Variants in ACOXL observed in about 807,000 individuals in gnomAD.
ACOXL encodes the protein acyl-CoA oxidase like, also known as acyl-coenzyme A oxidase-like protein.
ACOXL carries 70 observed loss-of-function variants against 71.9 expected under a neutral mutation model. The ratio of observed to expected loss-of-function variants is 0.97; its 90% confidence interval spans 0.80 to 1.19. ACOXL has a LOEUF of 1.19. ACOXL is among the 50% of genes most tolerant of loss of function. The pLI, the probability that ACOXL is intolerant of heterozygous loss-of-function variation, is 0.00. For synonymous variants in ACOXL, 253 were observed against 281.6 expected (o/e 0.90, Z 1.02); for missense variants, 703 against 736.3 (o/e 0.95, Z 0.52).
chr2:111,026,851 A>C (rs1477385821), intron 14 of ACOXL, among the ~76,000 whole-genome samples: 1 of 152,136 alleles, frequency 6.6e-6, no homozygotes, highest in Non-Finnish European at 1.5e-5. Flanking sequence ...CTCAGAAAGC[A>C]AGAGGAGGAA....
At chr2:111,074,477 A>G (rs1412833390) in intron 16 of ACOXL, among the ~76,000 whole-genome samples, 1 of 152,124 alleles carries the variant, frequency 6.6e-6, no homozygotes, top group Non-Finnish European at 1.5e-5. Context: ...TAGCTTCCTA[A>G]GAGATTTTTT....
intron 12 of ACOXL, among the ~76,000 whole-genome samples, chr2:110,972,776 A>G (rs1026863197): frequency 6.6e-6 from 1 of 152,208 alleles, no homozygotes; most frequent in African/African-American, 2.4e-5. Context: ...GTCATGCAGG[A>G]CATGCTTAAT....
intron 16 of ACOXL, among the ~76,000 whole-genome samples, chr2:111,067,404 GA>G (rs35949334): frequency 6.6e-6 from 1 of 152,116 alleles, no homozygotes; most frequent in Non-Finnish European, 1.5e-5. Context: ...TAAGTGCTAT[GA>G]AAAAAATAAA....
intron 14 of ACOXL, among the ~76,000 whole-genome samples, chr2:111,010,939 A>C (rs541605464): frequency 6.6e-6 from 1 of 152,352 alleles, no homozygotes; most frequent in South Asian, 2.1e-4. Context: ...ATGCTAAGGA[A>C]GGTACTTTAA....
intron 12 of ACOXL, among the ~76,000 whole-genome samples, chr2:110,934,073 C>T (rs561308721): frequency 2.6e-5 from 4 of 152,288 alleles, no homozygotes; most frequent in African/African-American, 9.6e-5. Context: ...TGTCTCCAGC[C>T]CCAGTCTCAG....
chr2:110,746,813 TCTC>T (rs1678282669), intron 1 of ACOXL, among the ~76,000 whole-genome samples: 1 of 146,124 alleles, frequency 6.8e-6, no homozygotes, highest in African/African-American at 2.5e-5. Flanking sequence ...TTCCCCCTCT[TCTC>T]CCCCCGCCCT....
chr2:110,967,872 T>G, intron 12 of ACOXL: 2 of 1,267,278 alleles, frequency 1.6e-6, no homozygotes, highest in Admixed American at 1.7e-5. Flanking sequence ...AGGCCTACTT[T>G]AAGAGATACC....
chr2:110,836,205 T>C (rs1328887848), intron 9 of ACOXL, among the ~76,000 whole-genome samples: 2 of 152,190 alleles, frequency 1.3e-5, no homozygotes, highest in East Asian at 3.9e-4. Context: ...TGGAGGGGGC[T>C]GTTGGGGGTA....
At chr2:110,793,294 T>G (rs957804273) in intron 3 of ACOXL, among the ~76,000 whole-genome samples, 2 of 152,104 alleles carry the variant, frequency 1.3e-5, no homozygotes, top group Non-Finnish European at 2.9e-5. Flanking sequence ...GCATCGAGGG[T>G]CATTGCACAC....
chr2:111,106,204 TCA>T (rs2069531189), intron 17 of ACOXL, among the ~76,000 whole-genome samples: 1 of 152,232 alleles, frequency 6.6e-6, no homozygotes, highest in African/African-American at 2.4e-5. Flanking sequence ...CATTATATAT[TCA>T]GTCCATTTTC....
intron 11 of ACOXL, among the ~76,000 whole-genome samples, chr2:110,916,239 C>T (rs1439960128): frequency 2.0e-5 from 3 of 148,184 alleles, no homozygotes; most frequent in African/African-American, 7.4e-5. Flanking sequence ...TTGTGGCTTC[C>T]TTTTTTTTTT....
At chr2:110,923,277 T>C (rs973743748) in intron 11 of ACOXL, among the ~76,000 whole-genome samples, 2 of 152,160 alleles carry the variant, frequency 1.3e-5, no homozygotes, top group African/African-American at 4.8e-5. Flanking sequence ...ATGACAAAAT[T>C]TTATGCTGAC....
intron 10 of ACOXL, among the ~76,000 whole-genome samples, chr2:110,853,003 C>T (rs1692801097): frequency 6.6e-6 from 1 of 152,138 alleles, no homozygotes; most frequent in Non-Finnish European, 1.5e-5. Context: ...TGTCAGCAGC[C>T]GTGGGTCCAT....
intron 11 of ACOXL, among the ~76,000 whole-genome samples, chr2:110,921,551 G>A (rs2060078018): frequency 6.6e-6 from 1 of 151,898 alleles, no homozygotes; most frequent in African/African-American, 2.4e-5. Flanking sequence ...CTGCCACCAC[G>A]TCCGGCTAAC....
At chr2:111,033,054 G>A (rs1431579532) in intron 15 of ACOXL, among the ~76,000 whole-genome samples, 1 of 152,166 alleles carries the variant, frequency 6.6e-6, no homozygotes, top group South Asian at 2.1e-4. Context: ...CATGGGACGG[G>A]AAGCAGGGGC....
At chr2:110,743,985 G>A (rs1677861501) in intron 1 of ACOXL, among the ~76,000 whole-genome samples, 1 of 152,132 alleles carries the variant, frequency 6.6e-6, no homozygotes, top group Non-Finnish European at 1.5e-5. Context: ...GTACAATTGG[G>A]GTGCTGCCTC....
In ACOXL at chr2:110,809,904, C is replaced by A. The variant is rs954240556; in HGVS notation, c.753+4509C>A. On this transcript the variant is annotated intron_variant, in intron 9 of 17. Coordinates refer to ENST00000439055, the MANE Select transcript of ACOXL (RefSeq NM_001142807.4). ...GTGAGCACAGCAGGCTGCATGCTGCCACTGCTGTGAGGTCTTGCTTGGGAT... is the reference window on the plus strand; with the variant it reads ...GTGAGCACAGCAGGCTGCATGCTGCAACTGCTGTGAGGTCTTGCTTGGGAT... Among the ~76,000 whole-genome samples the A allele has an allele frequency of 4.6e-5, 7 of 152,184 alleles. No individual in the cohort carries two copies. The South Asian group carries it at 6.2e-4, about 14-fold the overall frequency.
In ACOXL at chr2:110,852,080, C is replaced by A. The variant is rs545407606; in HGVS notation, c.788+10675C>A. Among the ~76,000 whole-genome samples, 3 of 152,314 alleles carry A rather than the reference C, an allele frequency of 2.0e-5. No individual in the cohort carries two copies. The East Asian group carries it at 5.8e-4, about 29-fold the overall frequency. ...GAGGCCAGCTCTGTCAGTGGGAGAC[C>A]CCTATGGACGACTGTCCAGGCTGGT... On this transcript the variant is annotated intron_variant, in intron 10 of 17. Transcript: ENST00000439055.
intron 9 of ACOXL, among the ~76,000 whole-genome samples, chr2:110,820,037 G>A (rs369218844): frequency 3.9e-5 from 6 of 152,274 alleles, no homozygotes; most frequent in African/African-American, 1.2e-4. Flanking sequence ...CCCTTGCACC[G>A]TGCCTGACAC....
Sources: gnomAD v4.1 joint callset for allele counts (sites outside exome capture counted in the v4.1 genomes callset) on GRCh38, gnomAD v4.1.1 for gene constraint, MANE v1.5 for transcripts, NCBI Gene and HGNC (gene_info 2026-07-23, HGNC 2026-07-21) for gene names.